The following APAF1 variants were observed in gnomAD, a reference collection of about 807,000 sequenced individuals.
APAF1 encodes the protein apoptotic protease-activating factor 1.
APAF1 carries 91 observed loss-of-function variants against 152.4 expected under a neutral mutation model. The ratio of observed to expected loss-of-function variants is 0.60; its 90% CI spans 0.50 to 0.71. The LOEUF (loss-of-function observed/expected upper bound fraction) is 0.71. Among genes scored for constraint, APAF1 ranks in the 30% least tolerant of loss-of-function variants. The probability of loss-of-function intolerance (pLI) is 0.00; values close to 1 mark genes in which losing one functional copy is unlikely to be tolerated. For synonymous variants in APAF1, 484 were observed against 494.1 expected (o/e 0.98, Z 0.27); for missense variants, 1,283 against 1,472.0 (o/e 0.87, Z 2.10).
chr12:98,723,256 T>A lies in APAF1; in HGVS notation c.3148T>A (p.Phe1050Ile), dbSNP rs1365471845. 6.2e-7 allele frequency: 1 copy of A among 1,613,386 alleles called. No individual in the cohort carries two copies. The highest frequency in any genetic ancestry group is 8.5e-7 in the Non-Finnish European group (1 of 1,179,458). The part of the protein sequence containing the change: ...LRGHQETVKD[F>I]RLLKNSRLLS... ...AGGCCATCAGGAAACAGTGAAAGAC[T>A]TTAGACTCTTGAAAAATTCAAGACT... is the stretch of plus-strand genomic sequence containing the variant. The change falls in exon 23 of 27, where the codon TTT (phenylalanine) becomes ATT (isoleucine). Residue 1050 changes from phenylalanine to isoleucine, a missense_variant. Coordinates refer to ENST00000551964, the MANE Select transcript of APAF1 (RefSeq NM_181861.2).
intron 13 of APAF1, among the ~76,000 whole-genome samples, chr12:98,678,184 T>A (rs1277124152): frequency 6.6e-6 from 1 of 152,250 alleles, no homozygotes; most frequent in Non-Finnish European, 1.5e-5. Context: ...TAATCTTGGC[T>A]TTTGAGTTCC....
rs72354759 is a variant in APAF1, at chr12:98,672,153, TTTTATTTA to T, written c.1793+454_1793+461del. ...GAAATAAGTGCTGTTTCCATGAAGATTTTATTTATTTATTTATTTATTTATTTTTGAGA... is the reference window on the plus strand; with the variant it reads ...GAAATAAGTGCTGTTTCCATGAAGATTTTATTTATTTATTTATTTTTGAGA... On this transcript the variant is annotated intron_variant, in intron 12 of 26. Transcript: ENST00000551964. Among the ~76,000 whole-genome samples the T allele has an allele frequency of 7.3e-5, 11 of 150,460 alleles. No homozygotes were observed. The South Asian group carries it at 8.4e-4, about 12-fold the overall frequency.
At chr12:98,680,976 T>C (rs929059185) in intron 14 of APAF1, among the ~76,000 whole-genome samples, 1 of 152,244 alleles carries the variant, frequency 6.6e-6, no homozygotes, top group African/African-American at 2.4e-5. Flanking sequence ...CTGGCTTATA[T>C]ATTCAGTGGA....
At chr12:98,666,484 A>G (rs561799415) in intron 9 of APAF1, 127 bp downstream of exon 9, 8 of 862,706 alleles carry the variant, frequency 9.3e-6, no homozygotes, top group Middle Eastern at 3.5e-4. Flanking sequence ...CCCTAATATT[A>G]ACATTTTATA....
chr12:98,683,081 G>A (rs373998929), intron 14 of APAF1, 62 bp from the exon 15 acceptor site: 1 of 1,337,748 alleles, frequency 7.5e-7, no homozygotes, highest in Admixed American at 1.9e-5. Context: ...ACATTGCTTT[G>A]CCCCTCTGTT....
chr12:98,723,586 A>G, intron 23 of APAF1, 53 bp from the exon 24 acceptor site: 1 of 1,493,470 alleles, frequency 6.7e-7, no homozygotes, highest in Non-Finnish European at 9.1e-7. Context: ...GCTTTTTAAT[A>G]TAAAATGTTC....
At chr12:98,671,473 A>G in intron 11 of APAF1, 62 bp from the exon 12 acceptor site, 1 of 1,522,154 alleles carries the variant, frequency 6.6e-7, no homozygotes, top group Non-Finnish European at 9.1e-7. Flanking sequence ...AGATCACAGA[A>G]ATGGAAAAAT....
intron 5 of APAF1, 38 bp downstream of exon 5, chr12:98,659,381 A>G (rs1255559750): frequency 5.0e-6 from 8 of 1,599,418 alleles, no homozygotes; most frequent in East Asian, 2.2e-5. Context: ...GTCAGGTCCC[A>G]TGTCCCAATA....
At chr12:98,690,904 G>T (rs2097703431) in intron 16 of APAF1, among the ~76,000 whole-genome samples, 1 of 151,990 alleles carries the variant, frequency 6.6e-6, no homozygotes, top group Admixed American at 6.6e-5. Context: ...TCTCATAACA[G>T]TGTCCAAAAA....
At position 98,645,617 on chromosome 12, in the gene APAF1, T is replaced by TG. The variant is rs2097638907; in HGVS notation, c.-255dup. On this transcript the variant is annotated 5_prime_UTR_variant, in exon 1 of 27. Coordinates refer to ENST00000551964, the MANE Select transcript of APAF1 (RefSeq NM_181861.2). ...CACCTCGCCAACCTTCGGAGGTCCC[T>TG]GGGGGTCTTCGTGCGCCCCGGGGCT... The TG allele has an allele frequency of 6.6e-6, 1 of 152,228 alleles. No individual in the cohort carries two copies. Among genetic ancestry groups the TG allele is most frequent in the Non-Finnish European group, 1.5e-5 (1 of 68,106 alleles). The allele number at this position is 152,228 out of a possible 1,614,324, so 9.4% of individuals were successfully genotyped here. A position where few individuals can be genotyped will look rare whatever the true frequency, so the allele number is the denominator to read the frequency against.
At chr12:98,663,911 G>A (rs2097668791) in intron 7 of APAF1, among the ~76,000 whole-genome samples, 1 of 152,148 alleles carries the variant, frequency 6.6e-6, no homozygotes, top group Non-Finnish European at 1.5e-5. Context: ...GCCCGCCTCA[G>A]CCTCCCAAAG....
intron 16 of APAF1, among the ~76,000 whole-genome samples, chr12:98,698,720 G>T (rs1413302961): frequency 1.3e-5 from 2 of 152,190 alleles, no homozygotes; most frequent in African/African-American, 4.8e-5. Flanking sequence ...TTGGGCATGG[G>T]CAGTCATTAT....
At position 98,734,594 on chromosome 12, in the gene APAF1, A is replaced by T. The variant is rs1242956254; in HGVS notation, c.*2028A>T. On this transcript the variant is annotated 3_prime_UTR_variant, in exon 27 of 27. Transcript: ENST00000551964. Reference sequence around the variant, plus strand: ...GAGGGTAAGGGAATAGATCACTCAGATGTATTTTAGATAAGCTATTTAGCC... The same window carrying T: ...GAGGGTAAGGGAATAGATCACTCAGTTGTATTTTAGATAAGCTATTTAGCC... The T allele has an allele frequency of 6.6e-6, 1 of 152,644 alleles. No homozygotes were observed. Among genetic ancestry groups the T allele is most frequent in the Non-Finnish European group, 1.5e-5 (1 of 68,056 alleles). The allele number at this position is 152,644 out of a possible 1,614,324, so 9.5% of individuals were successfully genotyped here. A position where few individuals can be genotyped will look rare whatever the true frequency, so the allele number is the denominator to read the frequency against.
intron 13 of APAF1, among the ~76,000 whole-genome samples, chr12:98,678,038 T>C (rs965439022): frequency 6.6e-6 from 1 of 151,646 alleles, no homozygotes; most frequent in Non-Finnish European, 1.5e-5. Flanking sequence ...CTTTTCTTTA[T>C]GTTTGTGTTC....
chr12:98,645,340 CA>C lies in APAF1; in HGVS notation c.-533del. ...GTGGACGTGACTGCTCTATCCCGGG[CA>C]AAAGGGATAGAACCAGAGGTGGGGA... On this transcript the variant is annotated 5_prime_UTR_variant, in exon 1 of 27. Transcript: ENST00000551964. 1 of 152,392 alleles carries C rather than the reference CA, an allele frequency of 6.6e-6. No homozygotes were observed. Among genetic ancestry groups the C allele is most frequent in the Non-Finnish European group, 1.5e-5 (1 of 68,096 alleles). 9.4% of individuals were successfully genotyped at this position (152,392 alleles called of 1,614,324 possible).
chr12:98,678,589 C>T (rs759213602), intron 13 of APAF1, among the ~76,000 whole-genome samples: 9 of 152,226 alleles, frequency 5.9e-5, no homozygotes, highest in Non-Finnish European at 1.2e-4. Flanking sequence ...AGGCAGGACC[C>T]CTTCCCCCTG....
In APAF1 at chr12:98,665,705, A is replaced by G. The variant is rs768162508; in HGVS notation, c.1108A>G (p.Ile370Val). ...DYEALDEAMSISVEMLREDIK... is the reference protein window; with the variant it reads ...DYEALDEAMSVSVEMLREDIK... ...TGAGGCTCTAGATGAAGCCATGTCTATAAGTGTTGAAATGCTCAGAGAAGA... is the reference window on the plus strand; with the variant it reads ...TGAGGCTCTAGATGAAGCCATGTCTGTAAGTGTTGAAATGCTCAGAGAAGA... Residue 370 changes from isoleucine to valine, a missense_variant, in exon 8 of 27, where the codon ATA becomes GTA. Ile to Val is a conservative substitution (Grantham distance 29). Transcript: ENST00000551964. The G allele has an allele frequency of 8.7e-6, 14 of 1,614,110 alleles. No individual in the cohort carries two copies. The highest frequency in any genetic ancestry group is 4.4e-5 in the South Asian group (4 of 91,074).
intron 7 of APAF1, 127 bp downstream of exon 7, chr12:98,662,933 T>C: frequency 2.6e-6 from 2 of 757,814 alleles, no homozygotes; most frequent in Non-Finnish European, 4.2e-6. Flanking sequence ...AGATTTAGTA[T>C]TTTAGGTTCT....
intron 4 of APAF1, 21 bp downstream of exon 4, chr12:98,649,705 C>T: frequency 6.2e-7 from 1 of 1,603,026 alleles, no homozygotes; most frequent in Non-Finnish European, 8.5e-7. Flanking sequence ...TAGTCCATTT[C>T]ATAGTCTAGT....
Sources: gnomAD v4.1 joint callset for allele counts (sites outside exome capture counted in the v4.1 genomes callset) on GRCh38, gnomAD v4.1.1 for gene constraint, MANE v1.5 for transcripts, NCBI Gene and HGNC (gene_info 2026-07-23, HGNC 2026-07-21) for gene names.